Variants in ANKRD22 observed in about 807,000 individuals in gnomAD.
ANKRD22 encodes ankyrin repeat domain-containing protein 22.
A neutral mutation model predicts 25.7 loss-of-function variants in ANKRD22; 24 were observed. That is an observed-to-expected ratio of 0.93 (90% confidence interval 0.68 to 1.31). ANKRD22 has a LOEUF of 1.31. ANKRD22 is among the 50% of genes most tolerant of loss of function. The pLI is 0.00. For synonymous variants in ANKRD22, 84 were observed against 84.3 expected (o/e 1.00, Z 0.02); for missense variants, 214 against 227.1 (o/e 0.94, Z 0.37).
intron 2 of ANKRD22, among the ~76,000 whole-genome samples, chr10:88,830,478 C>A (rs1468193872): frequency 2.0e-5 from 3 of 152,076 alleles, no homozygotes; most frequent in Non-Finnish European, 2.9e-5. Flanking sequence ...AATTTATAAA[C>A]AGATTTCAGA....
At position 88,822,087 on chromosome 10, in the gene ANKRD22, A is replaced by G. The variant is rs1843802200; in HGVS notation, c.*854T>C. 1 of 152,232 alleles carries G rather than the reference A, an allele frequency of 6.6e-6. No individual in the cohort carries two copies. Among genetic ancestry groups the G allele is most frequent in the South Asian group, 2.1e-4 (1 of 4,832 alleles). The allele number at this position is 152,232 out of a possible 1,614,324, so 9.4% of individuals were successfully genotyped here. ...AAGATTTTTTTAAACGAACATTTTC[A>G]TAGTTGCATAGTCTTGCTCAAACCA... On this transcript the variant is annotated 3_prime_UTR_variant, in exon 6 of 6. Coordinates refer to ENST00000371930, the MANE Select transcript of ANKRD22 (RefSeq NM_144590.3).
At chr10:88,828,437 A>T in intron 3 of ANKRD22, 122 bp downstream of exon 3, 1 of 770,626 alleles carries the variant, frequency 1.3e-6, no homozygotes, top group Non-Finnish European at 2.2e-6. Flanking sequence ...CAATTACAGA[A>T]TACAAACCAA....
intron 4 of ANKRD22, 139 bp from the exon 5 acceptor site, chr10:88,823,517 C>CA: frequency 1.4e-6 from 1 of 690,528 alleles, no homozygotes; most frequent in Non-Finnish European, 2.5e-6. Context: ...CATTGATAGA[C>CA]AACTATTTCT....
At position 88,820,656 on chromosome 10, in the gene ANKRD22, T is replaced by A; in HGVS notation, c.*2285A>T. On this transcript the variant is annotated 3_prime_UTR_variant, in exon 6 of 6. Transcript: ENST00000371930. ...CACTTACATTTACATTTTTTTTCTG[T>A]AAATTAAAGTACTTATTAGGTAAAT... The A allele has an allele frequency of 1.4e-6, 1 of 690,518 alleles. No homozygotes were observed. Among genetic ancestry groups the A allele is most frequent in the Non-Finnish European group, 2.4e-6 (1 of 423,396 alleles). 42.8% of individuals were successfully genotyped at this position (690,518 alleles called of 1,614,324 possible). A position where few individuals can be genotyped will look rare whatever the true frequency, so the allele number is the denominator to read the frequency against.
intron 1 of ANKRD22, among the ~76,000 whole-genome samples, chr10:88,850,420 C>T (rs558601089): frequency 2.4e-4 from 36 of 152,206 alleles, no homozygotes; most frequent in East Asian, 9.7e-4. Flanking sequence ...ACATTAAAAA[C>T]GGGAAAGCAC....
In ANKRD22 at chr10:88,821,586, A is replaced by C. The variant is rs921309292; in HGVS notation, c.*1355T>G. Among the ~76,000 whole-genome samples, 1 of 152,232 alleles carries C rather than the reference A, an allele frequency of 6.6e-6. No homozygotes were observed. Among genetic ancestry groups the C allele is most frequent in the South Asian group, 2.1e-4 (1 of 4,830 alleles). ...GCTCAATGCCAGTGAATCTTAATTT[A>C]TTAAGACACGTTTAAAGACTTCAGA... On this transcript the variant is annotated 3_prime_UTR_variant, in exon 6 of 6. Coordinates refer to ENST00000371930, the MANE Select transcript of ANKRD22 (RefSeq NM_144590.3).
At chr10:88,849,006 A>ATGTGTGTGTGTGTG (rs113459404) in intron 1 of ANKRD22, among the ~76,000 whole-genome samples, 15 of 149,140 alleles carry the variant, frequency 1.0e-4, no homozygotes, top group African/African-American at 3.7e-4. Flanking sequence ...GTGCATGTGC[A>ATGTGTGTGTGTGTG]TGTGTGTGTG....
At chr10:88,823,256 A>T (rs766746394) in intron 5 of ANKRD22, 24 bp downstream of exon 5, 1 of 1,588,240 alleles carries the variant, frequency 6.3e-7, no homozygotes, top group Admixed American at 1.7e-5. Context: ...GAGGAACCTC[A>T]GACCACGGTC....
chr10:88,835,439 C>T (rs1843944876), intron 1 of ANKRD22, among the ~76,000 whole-genome samples: 2 of 152,140 alleles, frequency 1.3e-5, no homozygotes, highest in Admixed American at 1.3e-4. Flanking sequence ...GTGGGAACAT[C>T]ACAGAGTTTA....
At position 88,829,306 on chromosome 10, in the gene ANKRD22, G is replaced by A. The variant is rs138961480; in HGVS notation, c.214-640C>T. Among the ~76,000 whole-genome samples the A allele has an allele frequency of 3.9e-3, 590 of 152,330 alleles. 6 individuals carry two copies. Among genetic ancestry groups the A allele is most frequent in the Non-Finnish European group, 5.0e-3 (343 of 68,022 alleles). On this transcript the variant is annotated intron_variant, in intron 2 of 5. Transcript: ENST00000371930. ...GGTAATTGGAATACCAATCAAATCA[G>A]TAAGAGGAGAGGGAGCCCAAGAGAA...
In ANKRD22 at chr10:88,821,778, C is replaced by T. The variant is rs1225766608; in HGVS notation, c.*1163G>A. On this transcript the variant is annotated 3_prime_UTR_variant, in exon 6 of 6. Transcript: ENST00000371930. The stretch of plus-strand genomic sequence containing the variant: ...CACATACAAAGAGGCTGGCTTAGTT[C>T]CTGTCTGCAGCTATGTGAGATTCAG... Among the ~76,000 whole-genome samples the T allele has an allele frequency of 1.3e-5, 2 of 152,146 alleles. No homozygotes were observed. The highest frequency in any genetic ancestry group is 2.4e-5 in the African/African-American group (1 of 41,438).
At chr10:88,849,547 T>G (rs774185682) in intron 1 of ANKRD22, among the ~76,000 whole-genome samples, 1 of 152,190 alleles carries the variant, frequency 6.6e-6, no homozygotes, top group Admixed American at 6.6e-5. Flanking sequence ...TTTTCAACTG[T>G]GTAACTATGA....
In ANKRD22 at chr10:88,821,631, T is replaced by G. The variant is rs1843796035; in HGVS notation, c.*1310A>C. On this transcript the variant is annotated 3_prime_UTR_variant, in exon 6 of 6. Coordinates refer to ENST00000371930, the MANE Select transcript of ANKRD22 (RefSeq NM_144590.3). ...TTCAGAATCTATATCTACACACTAT[T>G]ACTTCCTTCATAAAATAAGTTTCTT... 6.6e-6 allele frequency among the ~76,000 whole-genome samples: 1 copy of G among 152,228 alleles called. No homozygotes were observed. Among genetic ancestry groups the G allele is most frequent in the Non-Finnish European group, 1.5e-5 (1 of 68,028 alleles).
intron 1 of ANKRD22, among the ~76,000 whole-genome samples, chr10:88,835,254 T>C (rs1281531367): frequency 6.6e-6 from 1 of 152,192 alleles, no homozygotes; most frequent in African/African-American, 2.4e-5. Flanking sequence ...TTGAGCAATA[T>C]TATGTAAAAT....
chr10:88,824,866 T>G (rs1229453649), intron 4 of ANKRD22, among the ~76,000 whole-genome samples: 1 of 152,210 alleles, frequency 6.6e-6, no homozygotes, highest in East Asian at 1.9e-4. Context: ...ATCTCTTACT[T>G]AATATATTTC....
Position 88,820,880 on chromosome 10 carries a change from A to G in ANKRD22, c.*2061T>C, listed in dbSNP as rs748532485. Among the ~76,000 whole-genome samples the G allele has an allele frequency of 4.7e-4, 72 of 152,158 alleles. 1 individual carries two copies. Among genetic ancestry groups the G allele is most frequent in the Middle Eastern group, 3.2e-3 (1 of 316 alleles). ...AGATATTGAGGTCTGGAGTCTGTGGATTATTGTTGACTTTGACAAAATAAG... is the reference window on the plus strand; with the variant it reads ...AGATATTGAGGTCTGGAGTCTGTGGGTTATTGTTGACTTTGACAAAATAAG... On this transcript the variant is annotated 3_prime_UTR_variant, in exon 6 of 6. Coordinates refer to ENST00000371930, the MANE Select transcript of ANKRD22 (RefSeq NM_144590.3).
intron 2 of ANKRD22, among the ~76,000 whole-genome samples, chr10:88,830,721 A>G (rs1271584614): frequency 6.6e-6 from 1 of 152,172 alleles, no homozygotes; most frequent in African/African-American, 2.4e-5. Flanking sequence ...AAGCGGAGAT[A>G]AAAGTGTCTC....
chr10:88,851,835 T>G lies in ANKRD22; in HGVS notation c.-228A>C. On this transcript the variant is annotated 5_prime_UTR_variant, in exon 1 of 6. Transcript: ENST00000371930. ...CAGCCCAATGAAACAAAGGCACTGG[T>G]GTCATGTGTAACGACCCAAGCCTGT... 1 of 558,996 alleles carries G rather than the reference T, an allele frequency of 1.8e-6. No individual in the cohort carries two copies. The allele number at this position is 558,996 out of a possible 1,614,324, so 34.6% of individuals were successfully genotyped here. A position where few individuals can be genotyped will look rare whatever the true frequency, so the allele number is the denominator to read the frequency against.
At chr10:88,850,006 T>A (rs1482629262) in intron 1 of ANKRD22, among the ~76,000 whole-genome samples, 1 of 130,252 alleles carries the variant, frequency 7.7e-6, no homozygotes, top group Non-Finnish European at 1.6e-5. Flanking sequence ...TTGGGGGAAG[T>A]TTTTTTTTTT....
Sources: allele counts gnomAD v4.1 joint callset (sites outside exome capture counted in the v4.1 genomes callset), GRCh38; gene constraint gnomAD v4.1.1; transcripts MANE v1.5; gene names NCBI Gene and HGNC (gene_info 2026-07-23, HGNC 2026-07-21).